The following WIF1 variants were observed in gnomAD, a reference collection of about 807,000 sequenced individuals.
The protein encoded by WIF1 is Wnt inhibitory factor 1.
WIF1 carries 35 observed loss-of-function variants against 53.5 expected under a neutral mutation model. That is an observed-to-expected ratio of 0.65 (90% CI 0.50 to 0.87). The LOEUF (loss-of-function observed/expected upper bound fraction) is 0.87. Ranked by LOEUF, WIF1 falls within the 40% of genes least tolerant of loss-of-function variation. The pLI is 0.00. For missense variants in WIF1, 467 were observed against 476.8 expected (o/e 0.98, Z 0.19); for synonymous variants, 171 against 170.4 (o/e 1.00, Z -0.03).
intron 2 of WIF1, among the ~76,000 whole-genome samples, chr12:65,082,694 A>G (rs942395085): frequency 1.3e-5 from 2 of 152,180 alleles, no homozygotes; most frequent in Non-Finnish European, 2.9e-5. Flanking sequence ...GGGACAACTC[A>G]TAAGGCCTTT....
rs144165024 is a variant in WIF1 at position 65,058,633 on chromosome 12, T to C, written c.827-2507A>G. On this transcript the variant is annotated intron_variant, in intron 7 of 9. Coordinates refer to ENST00000286574, the MANE Select transcript of WIF1 (RefSeq NM_007191.5). The stretch of plus-strand genomic sequence containing the variant: ...GAAGATCTGATTGTTTTAAAATTCA[T>C]AATACTGGAAAAATATCTTTAATAG... Among the ~76,000 whole-genome samples, 382 of 152,324 alleles carry C rather than the reference T, an allele frequency of 2.5e-3. 1 individual carries two copies. The highest frequency in any genetic ancestry group is 4.4e-3 in the Non-Finnish European group (302 of 68,026).
chr12:65,120,977 C>G lies in WIF1; in HGVS notation c.148+67G>C, dbSNP rs1203421005. On this transcript the variant is annotated intron_variant, in intron 1 of 9. Transcript: ENST00000286574. Reference sequence around the variant, plus strand: ...TTAAAACACAAGAAACGCAGGTATCCCTCTTTCTTGAAGAGTGGAGAGAGG... The same window carrying G: ...TTAAAACACAAGAAACGCAGGTATCGCTCTTTCTTGAAGAGTGGAGAGAGG... The G allele has an allele frequency of 4.4e-6, 6 of 1,358,414 alleles. No homozygotes were observed. The African/African-American group carries it at 9.1e-5, about 20-fold the overall frequency. 84.1% of individuals were successfully genotyped at this position (1,358,414 alleles called of 1,614,324 possible). A position where few individuals can be genotyped will look rare whatever the true frequency, so the allele number is the denominator to read the frequency against.
intron 2 of WIF1, among the ~76,000 whole-genome samples, chr12:65,100,078 CAT>C (rs1341299295): frequency 1.3e-5 from 2 of 152,060 alleles, no homozygotes; most frequent in African/African-American, 2.4e-5. Context: ...CAAAGAAACT[CAT>C]AAAAATATTT....
chr12:65,101,053 A>AT (rs1221482881), intron 2 of WIF1, among the ~76,000 whole-genome samples: 1 of 152,102 alleles, frequency 6.6e-6, no homozygotes, highest in African/African-American at 2.4e-5. Flanking sequence ...CCTTTTTGGT[A>AT]TTTTCCAAAT....
At chr12:65,088,104 C>T (rs1197256617) in intron 2 of WIF1, among the ~76,000 whole-genome samples, 1 of 152,156 alleles carries the variant, frequency 6.6e-6, no homozygotes, top group Non-Finnish European at 1.5e-5. Context: ...CTGAGGAGCA[C>T]TGATGATGAC....
chr12:65,080,353 C>G (rs911608123), intron 2 of WIF1, among the ~76,000 whole-genome samples: 1 of 152,118 alleles, frequency 6.6e-6, no homozygotes, highest in Non-Finnish European at 1.5e-5. Context: ...GCAGGTAATT[C>G]TTACCCTGTT....
rs1555186910 is a variant in WIF1, at chr12:65,083,829, C to CTTT, written c.289-5976_289-5975insAAA. ...TTCCTTTCCTTTCCTCTCCTCTTTTCTCTTTTCTTTTCTTTTCTTTTCTTT... is the reference window on the plus strand; with the variant it reads ...TTCCTTTCCTTTCCTCTCCTCTTTTCTTTTCTTTTCTTTTCTTTTCTTTTCTTT... On this transcript the variant is annotated intron_variant, in intron 2 of 9. Coordinates refer to ENST00000286574, the MANE Select transcript of WIF1 (RefSeq NM_007191.5). 2.2e-3 allele frequency: 552 copies of CTTT among 251,398 alleles called. 7 individuals are homozygous for CTTT. Among genetic ancestry groups the CTTT allele is most frequent in the African/African-American group, 5.2e-3 (99 of 18,966 alleles). 15.6% of individuals were successfully genotyped at this position (251,398 alleles called of 1,614,324 possible).
chr12:65,103,251 C>A (rs1883307413), intron 2 of WIF1, among the ~76,000 whole-genome samples: 1 of 152,204 alleles, frequency 6.6e-6, no homozygotes, highest in Admixed American at 6.5e-5. Context: ...TCTAAAGTTT[C>A]ACCAATGCAT....
At chr12:65,088,679 C>T (rs1883078679) in intron 2 of WIF1, among the ~76,000 whole-genome samples, 1 of 151,958 alleles carries the variant, frequency 6.6e-6, no homozygotes, top group African/African-American at 2.4e-5. Context: ...TGACAAGTAA[C>T]TTCTCCTTCT....
At chr12:65,070,958 C>T (rs182328786) in intron 3 of WIF1, among the ~76,000 whole-genome samples, 29 of 152,046 alleles carry the variant, frequency 1.9e-4, no homozygotes, top group African/African-American at 6.7e-4. Context: ...AGACCATTTA[C>T]AAATCACAGG....
rs970182898 is a variant in WIF1, at chr12:65,058,067, C to T, written c.827-1941G>A. 1.0e-4 allele frequency among the ~76,000 whole-genome samples: 15 copies of T among 143,118 alleles called. 1 individual carries two copies. In the South Asian group the frequency reaches 2.6e-3, roughly 25 times the overall value. 93.9% of individuals were successfully genotyped at this position (143,118 alleles called of 152,430 possible). ...AACAAACTTAATAACAGAATATCAC[C>T]TCTTCATTGACCAAAAGAAGGTCCT... is the stretch of plus-strand genomic sequence containing the variant. On this transcript the variant is annotated intron_variant, in intron 7 of 9. Transcript: ENST00000286574.
At chr12:65,051,654 A>G (rs998999971) in intron 9 of WIF1, among the ~76,000 whole-genome samples, 184 bp from the exon 10 acceptor site, 5 of 152,248 alleles carry the variant, frequency 3.3e-5, no homozygotes, top group Non-Finnish European at 2.9e-5. Flanking sequence ...TACTAACTCC[A>G]TGAAACCAGG....
chr12:65,066,099 C>G (rs1453871290), intron 6 of WIF1, among the ~76,000 whole-genome samples: 4 of 152,116 alleles, frequency 2.6e-5, no homozygotes, highest in Non-Finnish European at 4.4e-5. Flanking sequence ...GCTAATTGTT[C>G]ACAAAAATTT....
At chr12:65,089,136 C>T (rs2136628729) in intron 2 of WIF1, among the ~76,000 whole-genome samples, 1 of 152,202 alleles carries the variant, frequency 6.6e-6, no homozygotes, top group African/African-American at 2.4e-5. Flanking sequence ...CAACTGTCAA[C>T]TAGATTTCTC....
intron 2 of WIF1, among the ~76,000 whole-genome samples, chr12:65,114,628 T>C (rs1276483852): frequency 6.6e-6 from 1 of 152,264 alleles, no homozygotes; most frequent in African/African-American, 2.4e-5. Context: ...CTAACTCATT[T>C]GTAATAAACC....
Position 65,058,631 on chromosome 12 carries a change from CATA to C in WIF1, c.827-2508_827-2506del, listed in dbSNP as rs568968423. The stretch of plus-strand genomic sequence containing the variant: ...ATGAAGATCTGATTGTTTTAAAATT[CATA>C]ATACTGGAAAAATATCTTTAATAGG... On this transcript the variant is annotated intron_variant, in intron 7 of 9. Coordinates refer to ENST00000286574, the MANE Select transcript of WIF1 (RefSeq NM_007191.5). 2.0e-5 allele frequency among the ~76,000 whole-genome samples: 3 copies of C among 152,296 alleles called. No homozygotes were observed. The South Asian group carries it at 6.2e-4, about 32-fold the overall frequency.
At chr12:65,113,963 G>A (rs2136295293) in intron 2 of WIF1, among the ~76,000 whole-genome samples, 1 of 152,206 alleles carries the variant, frequency 6.6e-6, no homozygotes, top group South Asian at 2.1e-4. Flanking sequence ...CAAACCCCAG[G>A]AGTGCAAAGG....
chr12:65,053,794 T>C (rs958176742), intron 9 of WIF1, among the ~76,000 whole-genome samples: 4 of 151,866 alleles, frequency 2.6e-5, no homozygotes, highest in Admixed American at 2.6e-4. Context: ...CATTGTAAAA[T>C]ATAAGCAAAA....
chr12:65,093,013 G>A (rs1266963134), intron 2 of WIF1, among the ~76,000 whole-genome samples: 1 of 152,024 alleles, frequency 6.6e-6, no homozygotes, highest in East Asian at 1.9e-4. Context: ...CTGCAGCTAA[G>A]GGAAAGGAGA....
Sources: gnomAD v4.1 joint callset for allele counts (sites outside exome capture counted in the v4.1 genomes callset) on GRCh38, gnomAD v4.1.1 for gene constraint, MANE v1.5 for transcripts, NCBI Gene and HGNC (gene_info 2026-07-23, HGNC 2026-07-21) for gene names.